The following PRRC2B variants were observed in gnomAD, a reference collection of about 807,000 sequenced individuals.
PRRC2B encodes proline rich coiled-coil 2B.
Under a neutral mutation model 242.3 loss-of-function variants are expected in PRRC2B, and 68 were observed. The observed-to-expected ratio is 0.28, with a 90% confidence interval of 0.23 to 0.34. The LOEUF (loss-of-function observed/expected upper bound fraction) is 0.34. Ranked by LOEUF, PRRC2B falls within the 10% of genes least tolerant of loss-of-function variation. The pLI is 1.00. For synonymous variants in PRRC2B, 1,228 were observed against 1,173.6 expected, an observed-to-expected ratio of 1.05 and a Z score of -0.95; for missense variants, 2,835 against 2,954.8, an observed-to-expected ratio of 0.96 and a Z score of 0.94.
chr9:131,382,915 G>T (rs573145818), intron 1 of PRRC2B, among the ~76,000 whole-genome samples: 1 of 152,224 alleles, frequency 6.6e-6, no homozygotes, highest in Non-Finnish European at 1.5e-5. Context: ...AAAGTGCTGG[G>T]ATGACAGGCC....
intron 5 of PRRC2B, among the ~76,000 whole-genome samples, chr9:131,443,168 CTG>C (rs1838666818): frequency 6.7e-6 from 1 of 148,926 alleles, no homozygotes; most frequent in Non-Finnish European, 1.5e-5. Flanking sequence ...GAATCTCGCT[CTG>C]TTGCCCAGGC....
intron 2 of PRRC2B, among the ~76,000 whole-genome samples, chr9:131,431,927 ATT>A (rs1189241000): frequency 6.6e-6 from 1 of 151,534 alleles, no homozygotes; most frequent in African/African-American, 2.4e-5. Flanking sequence ...AAATTTATTT[ATT>A]TATTTAGAGA....
chr9:131,471,023 A>T, intron 14 of PRRC2B, 40 bp downstream of exon 14: 1 of 1,472,268 alleles, frequency 6.8e-7, no homozygotes, highest in Non-Finnish European at 9.3e-7. Flanking sequence ...TGTATCACCC[A>T]GGATAGCGTG....
chr9:131,462,883 A>G (rs1054592410), intron 11 of PRRC2B, among the ~76,000 whole-genome samples: 13 of 145,842 alleles, frequency 8.9e-5, no homozygotes, highest in Non-Finnish European at 1.5e-4. Flanking sequence ...ACTTTGCAGA[A>G]CATTTAGTCT....
In PRRC2B at chr9:131,487,410, G is replaced by T; in HGVS notation, c.5984+116G>T. The T allele has an allele frequency of 1.2e-6, 1 of 823,824 alleles. No individual in the cohort carries two copies. Among genetic ancestry groups the T allele is most frequent in the Non-Finnish European group, 1.8e-6 (1 of 550,714 alleles). 51.0% of individuals were successfully genotyped at this position (823,824 alleles called of 1,614,324 possible). Reference sequence around the variant, plus strand: ...TGTCTGCTTTGGGGCCAGTGGGGCGGGGAGGGGTGGGAGTTTGCTCTGAAT... The same window carrying T: ...TGTCTGCTTTGGGGCCAGTGGGGCGTGGAGGGGTGGGAGTTTGCTCTGAAT... On this transcript the variant is annotated intron_variant, in intron 27 of 31. Transcript: ENST00000683519. This position sits in a 1 kb window ranked among gnomAD's most constrained non-coding sequence, Gnocchi z 5.3.
chr9:131,434,111 G>A (rs1171906278), intron 3 of PRRC2B, among the ~76,000 whole-genome samples: 2 of 152,212 alleles, frequency 1.3e-5, no homozygotes, highest in South Asian at 4.1e-4. Flanking sequence ...GTGGTTACAC[G>A]GTATCCATGA....
At chr9:131,401,111 GTTTCTC>G (rs1350560672) in intron 1 of PRRC2B, among the ~76,000 whole-genome samples, 3 of 151,564 alleles carry the variant, frequency 2.0e-5, no homozygotes, top group Non-Finnish European at 4.4e-5. Context: ...GCCCCCTACA[GTTTCTC>G]TTTATAGCAG....
intron 10 of PRRC2B, among the ~76,000 whole-genome samples, chr9:131,456,712 G>T (rs1943091788): frequency 6.6e-6 from 1 of 152,058 alleles, no homozygotes; most frequent in African/African-American, 2.4e-5. Flanking sequence ...AGGCTGAGGT[G>T]GGAGGACTAC....
chr9:131,462,731 AG>A (rs1266268759), intron 11 of PRRC2B, among the ~76,000 whole-genome samples: 3 of 148,588 alleles, frequency 2.0e-5, no homozygotes, highest in South Asian at 2.2e-4. Flanking sequence ...CCAGCTACTC[AG>A]GAGGCTGAGG....
intron 1 of PRRC2B, among the ~76,000 whole-genome samples, chr9:131,427,213 G>C (rs72770796): frequency 6.6e-6 from 1 of 152,206 alleles, no homozygotes; most frequent in African/African-American, 2.4e-5. Flanking sequence ...GATGGTTTGC[G>C]CACTTGCGTG....
Position 131,474,486 on chromosome 9 carries a change from G to A in PRRC2B, c.2357G>A (p.Arg786Lys), listed in dbSNP as rs1196833739. Residue 786 changes from arginine (R) to lysine (K), a missense_variant, in exon 16 of 32, where the codon AGG becomes AAG. Physicochemically the swap from Arg to Lys is conservative, Grantham distance 26 (BLOSUM62 2). Coordinates refer to ENST00000683519, the MANE Select transcript of PRRC2B (RefSeq NM_013318.4). The part of the protein sequence containing the change: ...NESSFSASLG[R>K]AGGVSAQRDL... ...AGCTCTTTCTCTGCCTCACTCGGAA[G>A]GGCAGGGGGCGTAAGTGCTCAGCGC... 2 of 1,612,334 alleles carry A rather than the reference G, an allele frequency of 1.2e-6. No homozygotes were observed. Among genetic ancestry groups the A allele is most frequent in the African/African-American group, 2.7e-5 (2 of 74,896 alleles).
upstream of PRRC2B, chr9:131,394,025 C>CGAGGAG (rs1291717738): frequency 3.3e-5 from 5 of 149,566 alleles, no homozygotes. Context: ...AGGAGGAGGA[C>CGAGGAG]GAGGAGGCGG....
At chr9:131,463,628 C>CTTTTTTTTTTTT (rs374951504) in intron 11 of PRRC2B, among the ~76,000 whole-genome samples, 7 of 125,780 alleles carry the variant, frequency 5.6e-5, no homozygotes, top group Admixed American at 8.9e-5. Context: ...TTTAGGCATG[C>CTTTTTTTTTTTT]TTTTTTTTTT....
Position 131,475,106 on chromosome 9 carries a change from G to T in PRRC2B, c.2977G>T (p.Ala993Ser). Residue 993 changes from alanine (A) to serine (S), a missense_variant, in exon 16 of 32, where the codon GCC becomes TCC. Ala to Ser is a moderately conservative substitution (Grantham distance 99). This residue lies in a region of PRRC2B where 1,536 missense variants were observed against 1,483.1 expected (regional missense o/e 1.04). Transcript: ENST00000683519. ...AAAGGATGAGGACGAAGAGAACGATGCCTCTCTGGCCAACTCCTCCACCAC... is the reference window on the plus strand; with the variant it reads ...AAAGGATGAGGACGAAGAGAACGATTCCTCTCTGGCCAACTCCTCCACCAC... ...AEKDEDEEND[A>S]SLANSSTTTL... 1 of 1,611,702 alleles carries T rather than the reference G, an allele frequency of 6.2e-7. No individual in the cohort carries two copies. Among genetic ancestry groups the T allele is most frequent in the Non-Finnish European group, 8.5e-7 (1 of 1,178,900 alleles).
chr9:131,468,104 G>A (rs145143081), intron 13 of PRRC2B, among the ~76,000 whole-genome samples: 470 of 152,324 alleles, frequency 3.1e-3, no homozygotes, highest in Non-Finnish European at 4.5e-3. Context: ...TTTCAGAGCA[G>A]TGCACCTTGG....
rs542347706 is a variant in PRRC2B at position 131,376,302 on chromosome 9, G to A, written c.-56+2571G>A. Among the ~76,000 whole-genome samples the A allele has an allele frequency of 6.6e-5, 10 of 150,700 alleles. 1 individual carries two copies. Among genetic ancestry groups the A allele is most frequent in the Admixed American group, 1.3e-4 (2 of 15,026 alleles). ...CTGGGTGGTGGAGGTTGCAGTGAGC[G>A]GAGATCGCGCCAATGCACTCCAGCC... On this transcript the variant is annotated intron_variant, in intron 1 of 1. Coordinates refer to the PRRC2B transcript ENST00000682525.
chr9:131,474,347 T>G, intron 15 of PRRC2B, 107 bp from the exon 16 acceptor site: 2 of 955,460 alleles, frequency 2.1e-6, no homozygotes, highest in Non-Finnish European at 3.1e-6. Context: ...AAAAGTGTTT[T>G]AGTTTTTGTT....
chr9:131,444,922 T>C (rs949522084), intron 6 of PRRC2B, among the ~76,000 whole-genome samples: 2 of 152,170 alleles, frequency 1.3e-5, no homozygotes, highest in African/African-American at 4.8e-5. Context: ...AGGTGGTGTT[T>C]AGGAATGTGA....
chr9:131,498,960 C>G lies in PRRC2B; in HGVS notation c.*3086C>G, dbSNP rs1024459497. On this transcript the variant is annotated 3_prime_UTR_variant, in exon 32 of 32. Transcript: ENST00000683519. ...GTTTGGTTTTCTTAACTGTTGGCTTCTCCCCACAGCGTTTTTTGTTTTTTT... is the reference window on the plus strand; with the variant it reads ...GTTTGGTTTTCTTAACTGTTGGCTTGTCCCCACAGCGTTTTTTGTTTTTTT... 2 of 152,154 alleles carry G rather than the reference C, an allele frequency of 1.3e-5. No homozygotes were observed. Among genetic ancestry groups the G allele is most frequent in the Non-Finnish European group, 2.9e-5 (2 of 68,026 alleles). The allele number at this position is 152,154 out of a possible 1,614,324, so 9.4% of individuals were successfully genotyped here. A position where few individuals can be genotyped will look rare whatever the true frequency, so the allele number is the denominator to read the frequency against.
Sources: allele counts gnomAD v4.1 joint callset (sites outside exome capture counted in the v4.1 genomes callset), GRCh38; gene constraint gnomAD v4.1.1; regional missense constraint gnomAD v4.1.1; non-coding constraint Gnocchi (gnomAD v3.1); transcripts MANE v1.5; gene names NCBI Gene and HGNC (gene_info 2026-07-23, HGNC 2026-07-21).